The following VSIG10 variants were observed in gnomAD, a reference collection of about 807,000 sequenced individuals.
The protein encoded by VSIG10 is V-set and immunoglobulin domain containing 10.
Under a neutral mutation model 58.7 loss-of-function variants are expected in VSIG10, and 48 were observed. The ratio of observed to expected loss-of-function variants is 0.82; its 90% CI spans 0.65 to 1.04. The LOEUF (loss-of-function observed/expected upper bound fraction) is 1.04. Among genes scored for constraint, VSIG10 ranks in the 50% least tolerant of loss-of-function variants. The pLI is 0.00. For missense variants in VSIG10, 628 were observed against 670.0 expected (o/e 0.94, Z 0.69); for synonymous variants, 260 against 267.1 (o/e 0.97, Z 0.26).
chr12:118,092,097 A>T (rs2033316641), intron 2 of VSIG10, among the ~76,000 whole-genome samples: 1 of 151,616 alleles, frequency 6.6e-6, no homozygotes, highest in Non-Finnish European at 1.5e-5. Context: ...CTCACTCTGT[A>T]GCCCAGGGTG....
chr12:118,082,098 A>C, intron 3 of VSIG10, 29 bp downstream of exon 3: 1 of 1,602,156 alleles, frequency 6.2e-7, no homozygotes, highest in Non-Finnish European at 8.5e-7. Flanking sequence ...AAGGGGAAGA[A>C]GCGGGGCAGA....
At chr12:118,096,490 A>G (rs1303342068) in intron 1 of VSIG10, among the ~76,000 whole-genome samples, 1 of 151,558 alleles carries the variant, frequency 6.6e-6, no homozygotes, top group African/African-American at 2.4e-5. Flanking sequence ...AAGCAGGAGA[A>G]TCGCTTGAAC....
At chr12:118,072,541 G>A (rs12814961) in intron 5 of VSIG10, among the ~76,000 whole-genome samples, 1 of 151,326 alleles carries the variant, frequency 6.6e-6, no homozygotes, top group Admixed American at 6.6e-5. Flanking sequence ...AAAGGGAGAA[G>A]AGAAAGGAAA....
intron 2 of VSIG10, among the ~76,000 whole-genome samples, chr12:118,088,085 G>A (rs879521246): frequency 6.6e-5 from 10 of 151,488 alleles, no homozygotes; most frequent in Non-Finnish European, 1.5e-4. Flanking sequence ...CTCTACTAAA[G>A]ATACAAAAAA....
intron 1 of VSIG10, 116 bp from the exon 2 acceptor site, chr12:118,095,930 T>G (rs1301366759): frequency 7.6e-7 from 1 of 1,308,286 alleles, no homozygotes; most frequent in African/African-American, 1.5e-5. Flanking sequence ...GTTCTTTTTT[T>G]TTTTTTTTTT....
intron 4 of VSIG10, among the ~76,000 whole-genome samples, chr12:118,075,208 A>G (rs983794023): frequency 6.6e-5 from 10 of 150,410 alleles, no homozygotes; most frequent in African/African-American, 9.8e-5. Flanking sequence ...GTGTGTGTGT[A>G]TATATGTGTG....
chr12:118,071,871 T>A (rs7486083), intron 5 of VSIG10, among the ~76,000 whole-genome samples: 20,076 of 152,284 alleles, frequency 0.13, 1,445 homozygotes, highest in South Asian at 0.18. Context: ...AAGCACTATT[T>A]AAGAATTGGT....
At chr12:118,102,195 G>C (rs2033639466) in intron 1 of VSIG10, 1 of 152,256 alleles carries the variant, frequency 6.6e-6, no homozygotes, top group African/African-American at 2.4e-5. Context: ...ATTCCAGCAG[G>C]ATGACTTCAT....
chr12:118,098,938 CTCTGATG>C (rs2033550698), intron 1 of VSIG10, among the ~76,000 whole-genome samples: 2 of 149,306 alleles, frequency 1.3e-5, no homozygotes, highest in African/African-American at 4.9e-5. Context: ...GGGGGTCTCA[CTCTGATG>C]TCCTGGACAG....
rs1043275330 is a variant in VSIG10 at position 118,063,813 on chromosome 12, TAA to T, written c.*2824_*2825del. The T allele has an allele frequency of 5.9e-5, 9 of 152,232 alleles. No homozygotes were observed. The highest frequency in any genetic ancestry group is 2.2e-4 in the African/African-American group (9 of 41,470). The allele number at this position is 152,232 out of a possible 1,614,324, so 9.4% of individuals were successfully genotyped here. A position where few individuals can be genotyped will look rare whatever the true frequency, so the allele number is the denominator to read the frequency against. On this transcript the variant is annotated 3_prime_UTR_variant, in exon 9 of 9. Transcript: ENST00000359236. ...ATTTTGCCTAGTAAGGATGATTTTC[TAA>T]GTCTCAGTGCATGGGTTATTGCAAT...
Position 118,071,387 on chromosome 12 carries a change from C to T in VSIG10, c.1302G>A (p.Leu434=), listed in dbSNP as rs945304787. 5 of 1,613,714 alleles carry T rather than the reference C, an allele frequency of 3.1e-6. No homozygotes were observed. In the African/African-American group the frequency reaches 6.7e-5, roughly 22 times the overall value. The change falls in exon 6 of 9, where the codon TTG becomes TTA. Residue 434 remains leucine (L), a synonymous_variant. Coordinates refer to ENST00000359236, the MANE Select transcript of VSIG10 (RefSeq NM_019086.6). The stretch of plus-strand genomic sequence containing the variant: ...TCCAGCAGAACACAGGGCTATAATG[C>T]AACAGAAGCCCTGAGATAATGGCCA... ...LGLAIISGLL[L]HYSPVFCWKV... is the part of the protein sequence containing the mutation.
chr12:118,101,195 C>T (rs1221356483), intron 1 of VSIG10, among the ~76,000 whole-genome samples: 2 of 152,150 alleles, frequency 1.3e-5, no homozygotes, highest in Admixed American at 1.3e-4. Context: ...GATGTGGCTG[C>T]CCTGTGGGCT....
chr12:118,079,675 A>C, intron 3 of VSIG10, 69 bp from the exon 4 acceptor site: 1 of 1,577,492 alleles, frequency 6.3e-7, no homozygotes, highest in Non-Finnish European at 8.6e-7. Flanking sequence ...ACTGGCTCTA[A>C]GGATGGCAGA....
At chr12:118,091,092 G>A (rs941751576) in intron 2 of VSIG10, among the ~76,000 whole-genome samples, 7 of 151,708 alleles carry the variant, frequency 4.6e-5, no homozygotes, top group African/African-American at 9.7e-5. Context: ...CCAAGGTGGC[G>A]CCACTGTATT....
chr12:118,068,529 T>TCCA lies in VSIG10; in HGVS notation c.1414_1415insTGG (p.Glu471_Glu472insVal), dbSNP rs2032351025. The TCCA allele has an allele frequency of 7.1e-7, 1 of 1,407,624 alleles. No individual in the cohort carries two copies. The highest frequency in any genetic ancestry group is 9.5e-7 in the Non-Finnish European group (1 of 1,051,024). 87.2% of individuals were successfully genotyped at this position (1,407,624 alleles called of 1,614,324 possible). ...TTCCCCTACTGCAGCATCTTCCTCC[T>TCCA]CCTCCTCCTCCTCCTCCTCTTCCTC... is the stretch of plus-strand genomic sequence containing the variant. On this transcript the variant is annotated inframe_insertion, in exon 8 of 9. Transcript: ENST00000359236.
In VSIG10 at chr12:118,103,831, C is replaced by G; in HGVS notation, c.-160G>C. The G allele has an allele frequency of 1.5e-6, 1 of 678,764 alleles. No homozygotes were observed. Among genetic ancestry groups the G allele is most frequent in the Non-Finnish European group, 2.2e-6 (1 of 450,020 alleles). 42.0% of individuals were successfully genotyped at this position (678,764 alleles called of 1,614,324 possible). On this transcript the variant is annotated 5_prime_UTR_variant, in exon 1 of 9. Transcript: ENST00000359236. ...CCCCAGGAAGGATGCTTGGCTGAGC[C>G]GAGTGTCCAGGGCCGGCAGCGGAGC...
At position 118,103,772 on chromosome 12, in the gene VSIG10, C is replaced by T. The variant is rs1382054907; in HGVS notation, c.-101G>A. ...GGGGTACCGAGGGCTCCTCCCAGGTCCTCGGAACGGCAGAGTGGCCCCACT... is the reference window on the plus strand; with the variant it reads ...GGGGTACCGAGGGCTCCTCCCAGGTTCTCGGAACGGCAGAGTGGCCCCACT... On this transcript the variant is annotated 5_prime_UTR_variant, in exon 1 of 9. Transcript: ENST00000359236. 7.6e-6 allele frequency: 9 copies of T among 1,190,410 alleles called. No homozygotes were observed. 73.7% of individuals were successfully genotyped at this position (1,190,410 alleles called of 1,614,324 possible).
chr12:118,097,537 C>T (rs2033497360), intron 1 of VSIG10, among the ~76,000 whole-genome samples: 1 of 151,848 alleles, frequency 6.6e-6, no homozygotes, highest in Non-Finnish European at 1.5e-5. Flanking sequence ...ATCACTTGAA[C>T]CCAGGAGGTA....
chr12:118,093,897 A>C (rs768806648), intron 2 of VSIG10, among the ~76,000 whole-genome samples: 9 of 152,146 alleles, frequency 5.9e-5, no homozygotes, highest in Non-Finnish European at 1.3e-4. Flanking sequence ...CGACTGAGTG[A>C]GACTACGTCT....
Sources: allele counts gnomAD v4.1 joint callset (sites outside exome capture counted in the v4.1 genomes callset), GRCh38; gene constraint gnomAD v4.1.1; transcripts MANE v1.5; gene names NCBI Gene and HGNC (gene_info 2026-07-23, HGNC 2026-07-21).